Variants in PPA2 observed in about 807,000 individuals in gnomAD.
PPA2 encodes the protein inorganic pyrophosphatase 2, also known as inorganic pyrophosphatase 2, mitochondrial.
PPA2 carries 48 observed loss-of-function variants against 49.5 expected under a neutral mutation model. The ratio of observed to expected loss-of-function variants is 0.97; its 90% CI spans 0.77 to 1.23. The LOEUF is 1.23. Among genes scored for constraint, PPA2 ranks in the 50% most tolerant of loss-of-function variants. PPA2 has a pLI of 0.00. For missense variants in PPA2, 429 were observed against 410.1 expected (o/e 1.05, Z -0.40); for synonymous variants, 131 against 139.9 (o/e 0.94, Z 0.45).
intron 2 of PPA2, chr4:105,456,152 C>T: frequency 4.8e-6 from 2 of 413,834 alleles, no homozygotes; most frequent in South Asian, 1.9e-5. Flanking sequence ...CCATTTTTAC[C>T]CCTGCTTTAT....
chr4:105,446,322 G>A, intron 5 of PPA2, 61 bp downstream of exon 5: 3 of 1,489,276 alleles, frequency 2.0e-6, no homozygotes, highest in South Asian at 2.7e-5. Flanking sequence ...TAGTTCACAG[G>A]ATTTATAAGG....
intron 10 of PPA2, among the ~76,000 whole-genome samples, chr4:105,373,698 C>A (rs1383398585): frequency 6.6e-6 from 1 of 151,556 alleles, no homozygotes; most frequent in Non-Finnish European, 1.5e-5. Flanking sequence ...TTTCTTCATT[C>A]TTAAAATACA....
At chr4:105,398,388 A>T (rs1288309680) in intron 8 of PPA2, 1 of 152,208 alleles carries the variant, frequency 6.6e-6, no homozygotes, top group East Asian at 1.9e-4. Flanking sequence ...ATAAATTTTA[A>T]GTTTTCATTA....
intron 1 of PPA2, among the ~76,000 whole-genome samples, chr4:105,464,496 AGG>A (rs1370454534): frequency 6.6e-6 from 1 of 152,146 alleles, no homozygotes; most frequent in East Asian, 1.9e-4. Context: ...ACTGTTGGGA[AGG>A]CATGTTGGTT....
At chr4:105,434,972 A>G (rs1014907735) in intron 6 of PPA2, among the ~76,000 whole-genome samples, 1 of 152,238 alleles carries the variant, frequency 6.6e-6, no homozygotes. Flanking sequence ...AATTCAACAA[A>G]TCTGTGCTGA....
intron 2 of PPA2, among the ~76,000 whole-genome samples, chr4:105,454,209 T>C (rs760881980): frequency 1.3e-5 from 2 of 152,188 alleles, no homozygotes; most frequent in Non-Finnish European, 2.9e-5. Context: ...ATGTAACGTT[T>C]ATACACCAAA....
intron 1 of PPA2, among the ~76,000 whole-genome samples, chr4:105,460,858 C>T (rs572464791): frequency 0.019 from 2,688 of 141,572 alleles, 93 homozygotes; most frequent in African/African-American, 0.049. Context: ...TGTAAGATCA[C>T]ATATATATAT....
At chr4:105,452,671 G>A (rs1488796704) in intron 3 of PPA2, among the ~76,000 whole-genome samples, 1 of 152,114 alleles carries the variant, frequency 6.6e-6, no homozygotes, top group Non-Finnish European at 1.5e-5. Context: ...TTTCAGTTGG[G>A]GTAGAGAATA....
intron 1 of PPA2, among the ~76,000 whole-genome samples, chr4:105,464,088 G>T (rs1204255700): frequency 1.3e-5 from 2 of 152,182 alleles, no homozygotes; most frequent in Non-Finnish European, 2.9e-5. Flanking sequence ...AAAAGCCACA[G>T]ACATTCAATC....
At chr4:105,448,158 GA>G (rs1722495678) in intron 4 of PPA2, 1 of 345,256 alleles carries the variant, frequency 2.9e-6, no homozygotes, top group Non-Finnish European at 5.7e-6. Context: ...AAGTTAGGTA[GA>G]TTCTCATAGA....
At chr4:105,385,894 T>C (rs952065412) in intron 10 of PPA2, among the ~76,000 whole-genome samples, 4 of 151,042 alleles carry the variant, frequency 2.6e-5, no homozygotes, top group Non-Finnish European at 4.4e-5. Context: ...TTTTTTTTTT[T>C]TTTGAGACAG....
intron 7 of PPA2, 113 bp from the exon 8 acceptor site, chr4:105,399,277 G>A (rs1199240235): frequency 2.9e-6 from 3 of 1,030,664 alleles, no homozygotes; most frequent in South Asian, 1.7e-5. Flanking sequence ...CTAACCAGAA[G>A]CACAATTGAT....
At position 105,406,531 on chromosome 4, in the gene PPA2, T is replaced by C. The variant is rs185441349; in HGVS notation, c.656-7367A>G. Among the ~76,000 whole-genome samples the C allele has an allele frequency of 4.4e-3, 670 of 151,964 alleles. 4 individuals carry two copies. Among genetic ancestry groups the C allele is most frequent in the Non-Finnish European group, 8.4e-3 (570 of 67,944 alleles). ...ATCAAAGAAAAAAAAATTTCTGAAA[T>C]CCAAAGATAAGGAGAAAATCTTTAA... On this transcript the variant is annotated intron_variant, in intron 7 of 11. Coordinates refer to ENST00000341695, the MANE Select transcript of PPA2 (RefSeq NM_176869.3).
intron 4 of PPA2, among the ~76,000 whole-genome samples, chr4:105,448,650 G>T (rs1351515933): frequency 1.3e-5 from 2 of 150,306 alleles, no homozygotes; most frequent in African/African-American, 2.4e-5. Context: ...ACCAGGAAAT[G>T]ATTTATTTCC....
At chr4:105,454,713 C>T (rs191864836) in intron 2 of PPA2, among the ~76,000 whole-genome samples, 328 of 152,240 alleles carry the variant, frequency 2.2e-3, no homozygotes, top group Non-Finnish European at 3.4e-3. Flanking sequence ...TCTAGGGAAA[C>T]CTATTTACAC....
chr4:105,432,491 T>G (rs899754180), intron 6 of PPA2, among the ~76,000 whole-genome samples: 3 of 152,176 alleles, frequency 2.0e-5, no homozygotes, highest in African/African-American at 7.2e-5. Flanking sequence ...TCATTTTGAA[T>G]AATAAAAGTT....
intron 1 of PPA2, 48 bp downstream of exon 1, chr4:105,473,846 C>T (rs765364357): frequency 5.8e-6 from 9 of 1,563,816 alleles, no homozygotes; most frequent in Non-Finnish European, 7.8e-6. Flanking sequence ...CATCCCCCAC[C>T]CAGGTTTCTC....
intron 9 of PPA2, among the ~76,000 whole-genome samples, chr4:105,392,494 G>A (rs560618580): frequency 6.6e-6 from 1 of 152,128 alleles, no homozygotes; most frequent in South Asian, 2.1e-4. Flanking sequence ...CCAACATGGT[G>A]AAACCTCGTC....
intron 7 of PPA2, among the ~76,000 whole-genome samples, chr4:105,409,675 C>G (rs943682435): frequency 6.6e-6 from 1 of 152,226 alleles, no homozygotes. Flanking sequence ...GGGTGCCCCT[C>G]TGGGACAAAG....
Sources: gnomAD v4.1 joint callset for allele counts (sites outside exome capture counted in the v4.1 genomes callset) on GRCh38, gnomAD v4.1.1 for gene constraint, MANE v1.5 for transcripts, NCBI Gene and HGNC (gene_info 2026-07-23, HGNC 2026-07-21) for gene names.